The following SEMA5A variants were observed in gnomAD, a reference collection of about 807,000 sequenced individuals.
SEMA5A encodes the protein semaphorin-5A.
In SEMA5A, 55 loss-of-function variants were observed where a neutral mutation model predicts 135.5. The ratio of observed to expected loss-of-function variants is 0.41; its 90% CI spans 0.33 to 0.51. SEMA5A has a LOEUF of 0.51. Ranked by LOEUF, SEMA5A falls within the 20% of genes least tolerant of loss-of-function variation. The pLI, the probability that SEMA5A is intolerant of heterozygous loss-of-function variation, is 0.37. For missense variants in SEMA5A, 1,290 were observed against 1,419.9 expected, an observed-to-expected ratio of 0.91 and a Z score of 1.47; for synonymous variants, 580 against 546.5, an observed-to-expected ratio of 1.06 and a Z score of -0.85.
intron 1 of SEMA5A, among the ~76,000 whole-genome samples, chr5:9,525,301 T>C (rs1737063667): frequency 6.6e-6 from 1 of 152,180 alleles, no homozygotes; most frequent in Non-Finnish European, 1.5e-5. Flanking sequence ...ACAAGAAAAC[T>C]TTGCTGATCC....
chr5:9,419,505 A>G (rs769896706), intron 2 of SEMA5A, among the ~76,000 whole-genome samples: 4 of 152,192 alleles, frequency 2.6e-5, no homozygotes, highest in Admixed American at 6.5e-5. Context: ...GCTCAGGATG[A>G]AAGAGGATGA....
chr5:9,186,051 G>C (rs1473487606), intron 11 of SEMA5A, among the ~76,000 whole-genome samples: 1 of 152,166 alleles, frequency 6.6e-6, no homozygotes, highest in African/African-American at 2.4e-5. Flanking sequence ...GAACTCAATA[G>C]CATATGAGAC....
chr5:9,195,313 A>C (rs3846577), intron 10 of SEMA5A, among the ~76,000 whole-genome samples: 4,902 of 152,220 alleles, frequency 0.032, 261 homozygotes, highest in African/African-American at 0.11. Context: ...CTATAGATGC[A>C]TGACACCGTG....
At chr5:9,259,170 C>T (rs1194353996) in intron 5 of SEMA5A, among the ~76,000 whole-genome samples, 1 of 152,190 alleles carries the variant, frequency 6.6e-6, no homozygotes, top group Non-Finnish European at 1.5e-5. Flanking sequence ...AATTCTTTTG[C>T]TATCTGCCTT....
intron 15 of SEMA5A, among the ~76,000 whole-genome samples, chr5:9,112,197 A>G (rs1036535442): frequency 1.3e-5 from 2 of 152,260 alleles, no homozygotes; most frequent in Admixed American, 1.3e-4. Flanking sequence ...TTAAAAGTCA[A>G]TTAATGACCT....
At chr5:9,184,121 GT>G (rs57657421) in intron 11 of SEMA5A, among the ~76,000 whole-genome samples, 303 of 150,454 alleles carry the variant, frequency 2.0e-3, no homozygotes, top group African/African-American at 7.0e-3. Flanking sequence ...GTGAGTGTCT[GT>G]TTTTTTTTAT....
intron 3 of SEMA5A, among the ~76,000 whole-genome samples, chr5:9,357,400 T>C (rs1754499955): frequency 6.6e-6 from 1 of 152,204 alleles, no homozygotes; most frequent in South Asian, 2.1e-4. Context: ...AGTATAATAA[T>C]GCTGTCATTC....
intron 1 of SEMA5A, among the ~76,000 whole-genome samples, chr5:9,491,743 ATGT>A (rs1269393596): frequency 1.3e-5 from 2 of 152,340 alleles, no homozygotes; most frequent in South Asian, 2.1e-4. Context: ...TTAAGAAAAG[ATGT>A]TGTATTACCA....
At chr5:9,521,805 T>C (rs1383601429) in intron 1 of SEMA5A, among the ~76,000 whole-genome samples, 4 of 152,192 alleles carry the variant, frequency 2.6e-5, no homozygotes, top group African/African-American at 4.8e-5. Context: ...AGCCGTGTTC[T>C]GAGCCTCCCT....
At chr5:9,542,109 A>G (rs973954930) in intron 1 of SEMA5A, among the ~76,000 whole-genome samples, 4 of 152,100 alleles carry the variant, frequency 2.6e-5, no homozygotes, top group African/African-American at 9.7e-5. Context: ...GTATATCTGG[A>G]TAACCAATTC....
At chr5:9,047,582 G>A (rs1431134821) in intron 21 of SEMA5A, among the ~76,000 whole-genome samples, 2 of 152,138 alleles carry the variant, frequency 1.3e-5, no homozygotes, top group South Asian at 2.1e-4. Context: ...ATGGAATACA[G>A]ACCAACTACC....
intron 1 of SEMA5A, among the ~76,000 whole-genome samples, chr5:9,542,878 G>A (rs1333968694): frequency 1.3e-5 from 2 of 152,222 alleles, no homozygotes; most frequent in African/African-American, 4.8e-5. Flanking sequence ...TAACTCTAGG[G>A]TTCATGATCA....
intron 3 of SEMA5A, among the ~76,000 whole-genome samples, chr5:9,357,804 T>C (rs140632252): frequency 2.6e-5 from 4 of 152,328 alleles, no homozygotes; most frequent in Admixed American, 2.6e-4. Flanking sequence ...TTGGGATCTT[T>C]CACATCTGAA....
chr5:9,106,793 A>G lies in SEMA5A; in HGVS notation c.2073+1347T>C, dbSNP rs191610238. On this transcript the variant is annotated intron_variant, in intron 16 of 22. Transcript: ENST00000382496. ...GAAATATCAATAAATATACATCGTA[A>G]TGAAGATTTTTCATGGTCTACAGTT... Among the ~76,000 whole-genome samples the G allele has an allele frequency of 2.3e-4, 35 of 152,370 alleles. No homozygotes were observed. The East Asian group carries it at 5.4e-3, about 23-fold the overall frequency.
At chr5:9,112,701 G>A (rs1308218339) in intron 15 of SEMA5A, among the ~76,000 whole-genome samples, 2 of 152,166 alleles carry the variant, frequency 1.3e-5, no homozygotes, top group African/African-American at 2.4e-5. Flanking sequence ...CATTGGACAG[G>A]CTCTAACATG....
At chr5:9,213,208 G>A (rs1318986998) in intron 8 of SEMA5A, among the ~76,000 whole-genome samples, 1 of 152,172 alleles carries the variant, frequency 6.6e-6, no homozygotes, top group African/African-American at 2.4e-5. Flanking sequence ...TTTAACCTAC[G>A]ACTTTTGGGA....
rs70943966 is a variant in SEMA5A, at chr5:9,457,900, CTTTTT to C, written c.-174-20053_-174-20049del. Among the ~76,000 whole-genome samples, 471 of 70,192 alleles carry C rather than the reference CTTTTT, an allele frequency of 6.7e-3. 4 individuals are homozygous for C. Among genetic ancestry groups the C allele is most frequent in the African/African-American group, 0.027 (453 of 16,516 alleles). The allele number at this position is 70,192 out of a possible 152,430, so 46.0% of individuals were successfully genotyped here. On this transcript the variant is annotated intron_variant, in intron 1 of 22. Coordinates refer to ENST00000382496, the MANE Select transcript of SEMA5A (RefSeq NM_003966.3). The stretch of plus-strand genomic sequence containing the variant: ...AATTCTTGAAAAACCAGCATCTCTC[CTTTTT>C]TTTTTTTTTTTTTTTTTTTTGAGAC...
At chr5:9,365,961 C>A (rs532703565) in intron 3 of SEMA5A, among the ~76,000 whole-genome samples, 1 of 152,160 alleles carries the variant, frequency 6.6e-6, no homozygotes, top group African/African-American at 2.4e-5. Context: ...TGAACCAGCC[C>A]TGCACTGCTT....
At chr5:9,411,582 G>A (rs1421215837) in intron 2 of SEMA5A, among the ~76,000 whole-genome samples, 6 of 152,102 alleles carry the variant, frequency 3.9e-5, no homozygotes, top group East Asian at 3.9e-4. Flanking sequence ...AGGATGGCTC[G>A]TCCTCAGTCC....
Sources: gnomAD v4.1 joint callset for allele counts (sites outside exome capture counted in the v4.1 genomes callset) on GRCh38, gnomAD v4.1.1 for gene constraint, MANE v1.5 for transcripts, NCBI Gene and HGNC (gene_info 2026-07-23, HGNC 2026-07-21) for gene names.